Variants in TUBGCP2 observed in about 807,000 individuals in gnomAD.
The protein encoded by TUBGCP2 is tubulin gamma complex component 2, also known as gamma-tubulin complex component 2.
In TUBGCP2, 55 loss-of-function variants were observed where a neutral mutation model predicts 92.2. That is an observed-to-expected ratio of 0.60 (90% CI 0.48 to 0.75). The LOEUF is 0.75. Ranked by LOEUF, TUBGCP2 falls within the 30% of genes least tolerant of loss-of-function variation. TUBGCP2 has a pLI of 0.00. For synonymous variants in TUBGCP2, 533 were observed against 505.2 expected, an observed-to-expected ratio of 1.06 and a Z score of -0.74; for missense variants, 1,093 against 1,188.9, an observed-to-expected ratio of 0.92 and a Z score of 1.19.
intron 14 of TUBGCP2, 99 bp downstream of exon 14, chr10:133,283,783 T>TCG (rs1847056663): frequency 1.4e-6 from 2 of 1,465,072 alleles, no homozygotes; most frequent in African/African-American, 1.4e-5. Context: ...TCTCCTGCAC[T>TCG]CCCTGCCTCT....
chr10:133,285,530 C>G lies in TUBGCP2; in HGVS notation c.1821G>C (p.Glu607Asp). 6.2e-7 allele frequency: 1 copy of G among 1,601,204 alleles called. No individual in the cohort carries two copies. The highest frequency in any genetic ancestry group is 8.5e-7 in the Non-Finnish European group (1 of 1,171,382). Residue 607 changes from glutamate (E) to aspartate (D), a missense_variant, in exon 12 of 18, where the codon GAG becomes GAC. Coordinates refer to ENST00000252936, the MANE Select transcript of TUBGCP2 (RefSeq NM_006659.4). This position sits in a 1 kb window ranked among gnomAD's most constrained non-coding sequence, Gnocchi z 6.8. ...AGGCCTCCAGGCCGCTCAGCGCCAG[C>G]TCCGTGGGGTCGGCGTGCGCCATCG... ...EKAMAHADPT[E>D]LALSGLEAFS...
intron 5 of TUBGCP2, chr10:133,297,476 A>G (rs952754496): frequency 4.1e-5 from 18 of 434,732 alleles, no homozygotes; most frequent in Non-Finnish European, 7.7e-5. Flanking sequence ...CCCCAATAAC[A>G]ACGTCTTGAA....
chr10:133,282,136 G>A, intron 16 of TUBGCP2, 87 bp downstream of exon 16: 2 of 1,588,486 alleles, frequency 1.3e-6, no homozygotes, highest in Non-Finnish European at 1.7e-6. Context: ...AAAGGGGGGA[G>A]GTTTGTTCTC....
intron 1 of TUBGCP2, among the ~76,000 whole-genome samples, chr10:133,304,143 C>G (rs2136141204): frequency 6.6e-6 from 1 of 152,234 alleles, no homozygotes; most frequent in South Asian, 2.1e-4. Flanking sequence ...ACAGCCTGGG[C>G]AACACAGTGA....
At chr10:133,298,690 T>C (rs527703556) in intron 4 of TUBGCP2, among the ~76,000 whole-genome samples, 1 of 152,374 alleles carries the variant, frequency 6.6e-6, no homozygotes, top group African/African-American at 2.4e-5. Context: ...CACTCAGGGC[T>C]GGTCAGGGAC....
upstream of TUBGCP2, among the ~76,000 whole-genome samples, chr10:133,310,829 T>G (rs1282601176): frequency 1.3e-5 from 2 of 151,222 alleles, no homozygotes; most frequent in Non-Finnish European, 2.9e-5. Context: ...TGAGACAGGG[T>G]CTTGCTCTGA....
rs768896554 is a variant in TUBGCP2 at position 133,302,808 on chromosome 10, G to C, written c.134C>G (p.Ser45Cys). ...NRTPYVTTTVSAHSAKVKIAE... is the reference protein window; with the variant it reads ...NRTPYVTTTVCAHSAKVKIAE... The stretch of plus-strand genomic sequence containing the variant: ...AGTGCTCACCTTGGCACTGTGAGCA[G>C]AGACAGTGGTAGTGACGTACGGGGT... The change falls in exon 2 of 18, where the codon TCT (serine) becomes TGT (cysteine). Residue 45 changes from serine to cysteine, a missense_variant. Physicochemically the swap from Ser to Cys is moderately radical, Grantham distance 112 (BLOSUM62 -1). This residue lies in a region of TUBGCP2 where 490 missense variants were observed against 488.5 expected (regional missense o/e 1.00). Coordinates refer to ENST00000252936, the MANE Select transcript of TUBGCP2 (RefSeq NM_006659.4). The C allele has an allele frequency of 3.1e-6, 5 of 1,612,752 alleles. No homozygotes were observed. In the South Asian group the frequency reaches 4.4e-5, roughly 14 times the overall value.
At position 133,288,266 on chromosome 10, in the gene TUBGCP2, C is replaced by G; in HGVS notation, c.1585G>C (p.Val529Leu). The G allele has an allele frequency of 1.9e-6, 3 of 1,613,678 alleles. No homozygotes were observed. Among genetic ancestry groups the G allele is most frequent in the Non-Finnish European group, 2.5e-6 (3 of 1,179,948 alleles). ...YFLMDQGDFF[V>L]HFMDLAEEEL... ...TCCTCCGCGAGGTCCATGAAGTGCACGAAGAAGTCGCCCTGGTCCATGAGG... is the reference window on the plus strand; with the variant it reads ...TCCTCCGCGAGGTCCATGAAGTGCAGGAAGAAGTCGCCCTGGTCCATGAGG... Residue 529 changes from valine to leucine, a missense_variant, in exon 11 of 18, where the codon GTG becomes CTG. By Grantham distance (32) the Val-to-Leu change is conservative. This residue lies in a region of TUBGCP2 where 598 missense variants were observed against 675.5 expected (regional missense o/e 0.89). Transcript: ENST00000252936.
At chr10:133,283,308 G>A in intron 14 of TUBGCP2, 87 bp from the exon 15 acceptor site, 9 of 1,576,284 alleles carry the variant, frequency 5.7e-6, no homozygotes, top group Non-Finnish European at 7.8e-6. Flanking sequence ...CTGGCTTTGT[G>A]CATTCCTGTT....
In TUBGCP2 at chr10:133,301,700, C is replaced by CTTTTTT. The variant is rs71016439; in HGVS notation, c.150+1086_150+1091dup. 102 of 87,260 alleles carry CTTTTTT rather than the reference C, an allele frequency of 1.2e-3. 7 individuals carry two copies. Among genetic ancestry groups the CTTTTTT allele is most frequent in the African/African-American group, 4.6e-3 (91 of 19,872 alleles). 5.4% of individuals were successfully genotyped at this position (87,260 alleles called of 1,614,324 possible). On this transcript the variant is annotated intron_variant, in intron 2 of 17. Transcript: ENST00000252936. ...CAACATGGTTAATACCAGTCCCTCC[C>CTTTTTT]TTTTTTTTTTTTTTTTTTTTTTTTT...
Position 133,288,948 on chromosome 10 carries a change from G to T in TUBGCP2, c.1433C>A (p.Thr478Lys), listed in dbSNP as rs370515445. The T allele has an allele frequency of 1.9e-5, 30 of 1,614,112 alleles. No homozygotes were observed. The highest frequency in any genetic ancestry group is 2.4e-5 in the Non-Finnish European group (28 of 1,180,046). Residue 478 changes from threonine (T) to lysine (K), a missense_variant, in exon 10 of 18, where the codon ACG (threonine) becomes AAG (lysine). Physicochemically the swap from Thr to Lys is moderately conservative, Grantham distance 78. Around this residue, in one of 3 missense-constraint regions of TUBGCP2, gnomAD observed 598 missense variants for 675.5 expected, o/e 0.89. Transcript: ENST00000252936. ...CTCCACATACGCCCGCTCTTTTAAC[G>T]TGTAGATGATCTCTTTAGCCACCGG... ...TCPVAKEIIY[T>K]LKERAYVEQI...
chr10:133,309,354 T>C (rs146684448), upstream of TUBGCP2: 24,639 of 1,597,444 alleles, frequency 0.015, 231 homozygotes, highest in Non-Finnish European at 0.019. Context: ...GTGCCGCGAG[T>C]CACCTGGCCC....
At chr10:133,289,789 C>G in intron 9 of TUBGCP2, 35 bp downstream of exon 9, 1 of 1,611,978 alleles carries the variant, frequency 6.2e-7, no homozygotes, top group Non-Finnish European at 8.5e-7. Flanking sequence ...CAGAGCTGTG[C>G]TGCGCACCCC....
At chr10:133,309,310 G>A (rs892362392), upstream of TUBGCP2, 1 of 1,519,178 alleles carries the variant, frequency 6.6e-7, no homozygotes, top group Non-Finnish European at 8.9e-7. Flanking sequence ...GATGACTGGG[G>A]CCACGGGTGT....
chr10:133,286,434 A>G (rs1194631348), intron 11 of TUBGCP2, among the ~76,000 whole-genome samples: 1 of 152,220 alleles, frequency 6.6e-6, no homozygotes, highest in Non-Finnish European at 1.5e-5. Context: ...ACAAGGAGAA[A>G]AGCAGTTCTT....
At chr10:133,303,971 G>A (rs1375054839) in intron 1 of TUBGCP2, among the ~76,000 whole-genome samples, 2 of 152,180 alleles carry the variant, frequency 1.3e-5, no homozygotes, top group Non-Finnish European at 2.9e-5. Flanking sequence ...GGTGAGCGCC[G>A]CCCCTACTCT....
chr10:133,282,468 A>G, intron 15 of TUBGCP2, 126 bp from the exon 16 acceptor site: 2 of 1,312,862 alleles, frequency 1.5e-6, no homozygotes, highest in Non-Finnish European at 2.0e-6. Flanking sequence ...GGGGGTACAC[A>G]AGCATCTCTG....
Position 133,300,061 on chromosome 10 carries a change from T to C in TUBGCP2, c.203A>G (p.Asp68Gly). Residue 68 changes from aspartate (D) to glycine (G), a missense_variant, in exon 3 of 18, where the codon GAT (aspartate) becomes GGT (glycine). By Grantham distance (94) the Asp-to-Gly change is moderately conservative (BLOSUM62 -1). Around this residue, in one of 3 missense-constraint regions of TUBGCP2, gnomAD observed 490 missense variants for 488.5 expected, o/e 1.00. Coordinates refer to ENST00000252936, the MANE Select transcript of TUBGCP2 (RefSeq NM_006659.4). ...CCTTGTATTTTTAGATTTCAGTTCATCATATTTCTTTAGAAAGTCTTCTGG... is the reference window on the plus strand; with the variant it reads ...CCTTGTATTTTTAGATTTCAGTTCACCATATTTCTTTAGAAAGTCTTCTGG... ...RTPEDFLKKY[D>G]ELKSKNTRNL... is the part of the protein sequence containing the mutation. 3 of 1,614,200 alleles carry C rather than the reference T, an allele frequency of 1.9e-6. No homozygotes were observed. Among genetic ancestry groups the C allele is most frequent in the Non-Finnish European group, 2.5e-6 (3 of 1,180,018 alleles).
At chr10:133,312,228 G>A (rs184130968), upstream of TUBGCP2, 13 of 1,376,040 alleles carry the variant, frequency 9.4e-6, no homozygotes, top group African/African-American at 2.9e-5. Context: ...CACCTGTGCC[G>A]TCTGCCTTCC....
Sources: gnomAD v4.1 joint callset for allele counts (sites outside exome capture counted in the v4.1 genomes callset) on GRCh38, gnomAD v4.1.1 for gene constraint, gnomAD v4.1.1 regional missense constraint, Gnocchi (gnomAD v3.1) non-coding constraint, MANE v1.5 for transcripts, NCBI Gene and HGNC (gene_info 2026-07-23, HGNC 2026-07-21) for gene names.